Variants in INPP5D observed in about 807,000 individuals in gnomAD.
INPP5D encodes the protein inositol polyphosphate-5-phosphatase D, also known as phosphatidylinositol 3,4,5-trisphosphate 5-phosphatase 1.
INPP5D carries 33 observed loss-of-function variants against 122.9 expected under a neutral mutation model. The observed-to-expected ratio is 0.27, with a 90% CI of 0.20 to 0.36. INPP5D has a LOEUF of 0.36. Ranked by LOEUF, INPP5D falls within the 10% of genes least tolerant of loss-of-function variation. INPP5D has a pLI of 1.00. For missense variants in INPP5D, 1,053 were observed against 1,412.7 expected (o/e 0.75, Z 4.08); for synonymous variants, 584 against 576.2 (o/e 1.01, Z -0.19).
chr2:233,157,869 C>G (rs934372812), intron 9 of INPP5D, among the ~76,000 whole-genome samples: 1 of 117,878 alleles, frequency 8.5e-6, no homozygotes, highest in Admixed American at 9.0e-5. Flanking sequence ...CTATTGTTTG[C>G]AAAAACCTTA....
chr2:233,150,413 T>C (rs960052022), intron 9 of INPP5D, among the ~76,000 whole-genome samples: 29 of 152,332 alleles, frequency 1.9e-4, no homozygotes, highest in African/African-American at 7.0e-4. Flanking sequence ...CATGTGGAAC[T>C]GTGAGTCCAT....
In INPP5D at chr2:233,197,641, C is replaced by T. The variant is rs1695218004; in HGVS notation, c.2694-454C>T. On this transcript the variant is annotated intron_variant, in intron 24 of 26. Coordinates refer to ENST00000445964, the MANE Select transcript of INPP5D (RefSeq NM_001017915.3). The surrounding 1 kb of genome is among the most constrained non-coding windows in gnomAD (Gnocchi z 4.4). ...CAGTCTCCCCTTCTTTCTCTCTTAT[C>T]TGCTTATCTTCTTATCTCAGATGAA... Among the ~76,000 whole-genome samples the T allele has an allele frequency of 6.6e-6, 1 of 152,190 alleles. No homozygotes were observed. Among genetic ancestry groups the T allele is most frequent in the South Asian group, 2.1e-4 (1 of 4,836 alleles).
intron 5 of INPP5D, among the ~76,000 whole-genome samples, chr2:233,135,084 T>C (rs1413003876): frequency 8.9e-6 from 1 of 112,560 alleles, no homozygotes; most frequent in Non-Finnish European, 1.9e-5. Flanking sequence ...AATTAATGTA[T>C]ACAATAAAAA....
intron 2 of INPP5D, among the ~76,000 whole-genome samples, chr2:233,114,903 T>C (rs1278316598): frequency 1.3e-5 from 2 of 151,894 alleles, no homozygotes; most frequent in Non-Finnish European, 2.9e-5. Flanking sequence ...GTTTCGCTCT[T>C]GTCACCCAGG....
intron 17 of INPP5D, 38 bp downstream of exon 17, chr2:233,171,190 C>T (rs1338457856): frequency 6.2e-7 from 1 of 1,607,560 alleles, no homozygotes; most frequent in East Asian, 2.2e-5. Context: ...TGCCCTCCAT[C>T]TCCTCCCCGC....
intron 1 of INPP5D, among the ~76,000 whole-genome samples, chr2:233,067,025 G>A (rs926616833): frequency 1.3e-5 from 2 of 152,114 alleles, no homozygotes; most frequent in African/African-American, 2.4e-5. Flanking sequence ...TGATCTGCCC[G>A]CCTAGGCCTC....
In INPP5D at chr2:233,164,151, C is replaced by T. The variant is rs1051015508; in HGVS notation, c.1438-156C>T. The T allele has an allele frequency of 8.5e-6, 12 of 1,406,516 alleles. No individual in the cohort carries two copies. The highest frequency in any genetic ancestry group is 2.8e-5 in the Admixed American group (1 of 35,442). The allele number at this position is 1,406,516 out of a possible 1,614,324, so 87.1% of individuals were successfully genotyped here. On this transcript the variant is annotated intron_variant, in intron 12 of 26. Coordinates refer to ENST00000445964, the MANE Select transcript of INPP5D (RefSeq NM_001017915.3). The surrounding 1 kb of genome is among the most constrained non-coding windows in gnomAD (Gnocchi z 4.3). ...TTCTCATCTTTAGGATGTTTTGTCT[C>T]GCCTATCAAGCATCGCTGGGAGTCC...
intron 22 of INPP5D, 96 bp downstream of exon 22, chr2:233,190,033 T>C: frequency 1.3e-6 from 2 of 1,526,500 alleles, no homozygotes; most frequent in South Asian, 2.5e-5. Flanking sequence ...CTTCCGGTCA[T>C]AGGCTCCTGC....
At chr2:233,116,003 G>A (rs906593659) in intron 2 of INPP5D, among the ~76,000 whole-genome samples, 1 of 152,166 alleles carries the variant, frequency 6.6e-6, no homozygotes, top group East Asian at 1.9e-4. Flanking sequence ...CCTGCTGGAA[G>A]TCACCCAGAA....
chr2:233,077,400 C>T (rs556086648), intron 1 of INPP5D, among the ~76,000 whole-genome samples: 1 of 152,142 alleles, frequency 6.6e-6, no homozygotes, highest in South Asian at 2.1e-4. Context: ...GTGGCTCATG[C>T]CTGTAATCCC....
rs1246071226 is a variant in INPP5D, at chr2:233,094,092, CCCT to C, written c.198+14697_198+14699del. ...GGTCACAGAGCACTTAGAATACACC[CCCT>C]CCCCCCCCAAAAAAGAGAATGTCCT... On this transcript the variant is annotated intron_variant, in intron 2 of 26. Transcript: ENST00000445964. Among the ~76,000 whole-genome samples the C allele has an allele frequency of 2.6e-3, 401 of 151,684 alleles. 1 individual carries two copies. Among genetic ancestry groups the C allele is most frequent in the African/African-American group, 9.1e-3 (376 of 41,170 alleles).
Position 233,183,409 on chromosome 2 carries a change from C to T in INPP5D, c.2161+910C>T, listed in dbSNP as rs908370192. ...ATCCTATTGTATCTAACATCCATGG[C>T]CCCAGAAATGTGACCTCCCTCCTCC... On this transcript the variant is annotated intron_variant, in intron 19 of 26. Coordinates refer to ENST00000445964, the MANE Select transcript of INPP5D (RefSeq NM_001017915.3). The surrounding 1 kb of genome is among the most constrained non-coding windows in gnomAD (Gnocchi z 4.6). Among the ~76,000 whole-genome samples, 1 of 152,172 alleles carries T rather than the reference C, an allele frequency of 6.6e-6. No individual in the cohort carries two copies. Among genetic ancestry groups the T allele is most frequent in the African/African-American group, 2.4e-5 (1 of 41,432 alleles).
chr2:233,085,105 G>A (rs1691795643), intron 2 of INPP5D, among the ~76,000 whole-genome samples: 1 of 152,170 alleles, frequency 6.6e-6, no homozygotes, highest in Non-Finnish European at 1.5e-5. Context: ...AGTGTTACAG[G>A]CTGGGTGCAG....
intron 1 of INPP5D, 68 bp downstream of exon 1, chr2:233,060,680 A>T: frequency 1.3e-5 from 20 of 1,589,224 alleles, no homozygotes; most frequent in Non-Finnish European, 1.7e-5. Context: ...CCCAGCTTTG[A>T]GATGGGTTGT....
chr2:233,064,879 G>A (rs1040499399), intron 1 of INPP5D, among the ~76,000 whole-genome samples: 1 of 152,216 alleles, frequency 6.6e-6, no homozygotes, highest in Non-Finnish European at 1.5e-5. Context: ...CAGTAAAATA[G>A]ACACTGTTAA....
At chr2:233,169,824 T>G in intron 14 of INPP5D, 8 of 870,738 alleles carry the variant, frequency 9.2e-6, no homozygotes, top group Non-Finnish European at 1.4e-5. Flanking sequence ...ACACCCAATG[T>G]GGCCTCAAAT....
chr2:233,165,358 CTGTA>C (rs1053777365), intron 13 of INPP5D, among the ~76,000 whole-genome samples: 5 of 149,988 alleles, frequency 3.3e-5, no homozygotes, highest in Admixed American at 6.6e-5. Flanking sequence ...GTGTGAGTGT[CTGTA>C]TGTGTGAGTC....
In INPP5D at chr2:233,084,278, C is replaced by T. The variant is rs533263435; in HGVS notation, c.198+4880C>T. ...CTATGTTGCCCAGGCTGGTCTCAAA[C>T]GCCTGGGCTCAAGTGATCCACCCGC... On this transcript the variant is annotated intron_variant, in intron 2 of 26. Coordinates refer to ENST00000445964, the MANE Select transcript of INPP5D (RefSeq NM_001017915.3). 8.4e-4 allele frequency among the ~76,000 whole-genome samples: 128 copies of T among 152,374 alleles called. 1 individual carries two copies. The highest frequency in any genetic ancestry group is 2.9e-3 in the African/African-American group (121 of 41,590).
chr2:233,060,583 C>G lies in INPP5D; in HGVS notation c.105C>G (p.Ser35=). 1 of 1,614,020 alleles carries G rather than the reference C, an allele frequency of 6.2e-7. No homozygotes were observed. The highest frequency in any genetic ancestry group is 8.5e-7 in the Non-Finnish European group (1 of 1,179,874). ...DGSFLVRASE[S]ISRAYALCVL... ...GCTTCCTCGTGCGTGCCAGCGAGTC[C>G]ATCTCCCGGGCATACGCGCTCTGCG... Residue 35 remains serine, a synonymous_variant, in exon 1 of 27, where the codon TCC becomes TCG. Transcript: ENST00000445964.
Sources: gnomAD v4.1 joint callset for allele counts (sites outside exome capture counted in the v4.1 genomes callset) on GRCh38, gnomAD v4.1.1 for gene constraint, Gnocchi (gnomAD v3.1) non-coding constraint, MANE v1.5 for transcripts, NCBI Gene and HGNC (gene_info 2026-07-23, HGNC 2026-07-21) for gene names.